The following PRKD1 variants were observed in gnomAD, a reference collection of about 807,000 sequenced individuals.
PRKD1 encodes protein kinase D1, also known as serine/threonine-protein kinase D1.
A neutral mutation model predicts 95.9 loss-of-function variants in PRKD1; 63 were observed. The observed-to-expected ratio is 0.66, with a 90% CI of 0.54 to 0.81. PRKD1 has a LOEUF of 0.81. Among genes scored for constraint, PRKD1 ranks in the 30% least tolerant of loss-of-function variants. The pLI, the probability that PRKD1 is intolerant of heterozygous loss-of-function variation, is 0.00. For missense variants in PRKD1, 1,048 were observed against 1,165.3 expected, an observed-to-expected ratio of 0.90 and a Z score of 1.47; for synonymous variants, 425 against 423.1, an observed-to-expected ratio of 1.00 and a Z score of -0.05.
intron 1 of PRKD1, among the ~76,000 whole-genome samples, chr14:29,729,908 T>G (rs1886348391): frequency 6.6e-6 from 1 of 151,990 alleles, no homozygotes; most frequent in African/African-American, 2.4e-5. Flanking sequence ...ATTACAGACA[T>G]AAAGATAAGA....
chr14:29,658,601 T>C (rs1045050550), intron 4 of PRKD1, among the ~76,000 whole-genome samples: 1 of 152,222 alleles, frequency 6.6e-6, no homozygotes, highest in African/African-American at 2.4e-5. Flanking sequence ...GAAATGTCTA[T>C]AAATCACCAA....
chr14:29,723,383 G>C (rs891778523), intron 2 of PRKD1, among the ~76,000 whole-genome samples: 2 of 152,110 alleles, frequency 1.3e-5, no homozygotes, highest in Non-Finnish European at 2.9e-5. Context: ...ACCTTCAGGA[G>C]AGTCAGGATG....
intron 1 of PRKD1, among the ~76,000 whole-genome samples, chr14:29,856,579 T>C (rs1756269137): frequency 6.6e-6 from 1 of 152,218 alleles, no homozygotes; most frequent in Non-Finnish European, 1.5e-5. Flanking sequence ...GCTCTGTTAA[T>C]ACCACAAGAG....
At chr14:29,841,378 C>A (rs1407267007) in intron 1 of PRKD1, among the ~76,000 whole-genome samples, 2 of 152,094 alleles carry the variant, frequency 1.3e-5, no homozygotes, top group Admixed American at 1.3e-4. Flanking sequence ...TGGTTGTGTC[C>A]TCACCCAAAT....
intron 1 of PRKD1, among the ~76,000 whole-genome samples, chr14:29,829,471 G>A (rs370362459): frequency 3.3e-5 from 5 of 151,980 alleles, no homozygotes; most frequent in East Asian, 1.9e-4. Context: ...CGTGCTTTTC[G>A]TTTTTACTCT....
chr14:29,663,558 G>A, intron 4 of PRKD1, 141 bp downstream of exon 4: 1 of 918,948 alleles, frequency 1.1e-6, no homozygotes, highest in Non-Finnish European at 1.6e-6. Context: ...CCAATCTACA[G>A]CACAAGCCCT....
chr14:29,623,900 A>G (rs556640422), intron 13 of PRKD1, among the ~76,000 whole-genome samples: 127 of 152,294 alleles, frequency 8.3e-4, no homozygotes, highest in African/African-American at 2.9e-3. Flanking sequence ...AAATGCTGAA[A>G]TATTACCCAT....
intron 1 of PRKD1, among the ~76,000 whole-genome samples, chr14:29,834,005 A>C (rs570097158): frequency 6.6e-6 from 1 of 152,152 alleles, no homozygotes; most frequent in African/African-American, 2.4e-5. Flanking sequence ...GTCCTTCTCA[A>C]TCTTCCCCTG....
intron 1 of PRKD1, among the ~76,000 whole-genome samples, chr14:29,898,600 A>G (rs1894212307): frequency 6.6e-6 from 1 of 152,196 alleles, no homozygotes; most frequent in African/African-American, 2.4e-5. Flanking sequence ...ACTTAAAGCA[A>G]ATCATCAGGT....
intron 1 of PRKD1, among the ~76,000 whole-genome samples, chr14:29,822,499 T>G (rs1160192489): frequency 3.9e-5 from 6 of 152,156 alleles, no homozygotes; most frequent in Admixed American, 3.9e-4. Context: ...TTTTAGTGCT[T>G]CAATCTGGAC....
At chr14:29,717,740 G>T (rs1885694199) in intron 2 of PRKD1, among the ~76,000 whole-genome samples, 1 of 152,102 alleles carries the variant, frequency 6.6e-6, no homozygotes, top group African/African-American at 2.4e-5. Flanking sequence ...ACAGCATGAA[G>T]AATATAATGC....
chr14:29,865,568 C>A (rs973179324), intron 1 of PRKD1, among the ~76,000 whole-genome samples: 1 of 152,148 alleles, frequency 6.6e-6, no homozygotes, highest in Non-Finnish European at 1.5e-5. Flanking sequence ...TGCTTTTGAG[C>A]TCTCTTGCAT....
chr14:29,865,555 T>C (rs1165442297), intron 1 of PRKD1, among the ~76,000 whole-genome samples: 1 of 152,204 alleles, frequency 6.6e-6, no homozygotes, highest in East Asian at 1.9e-4. Flanking sequence ...CCATTTGCTC[T>C]CTTGCTTTTG....
intron 2 of PRKD1, among the ~76,000 whole-genome samples, chr14:29,691,941 T>G (rs1310567296): frequency 1.3e-5 from 2 of 152,150 alleles, no homozygotes; most frequent in African/African-American, 4.8e-5. Context: ...CCAACTACTT[T>G]AGTGAAGAGG....
intron 13 of PRKD1, among the ~76,000 whole-genome samples, chr14:29,603,973 G>A (rs74738213): frequency 5.9e-5 from 9 of 152,122 alleles, no homozygotes; most frequent in Admixed American, 1.3e-4. Context: ...AAGTTGTTTC[G>A]ATGCCTGGGA....
chr14:29,850,868 A>G (rs936888390), intron 1 of PRKD1, among the ~76,000 whole-genome samples: 1 of 151,562 alleles, frequency 6.6e-6, no homozygotes, highest in Non-Finnish European at 1.5e-5. Flanking sequence ...AAAGCACAGT[A>G]CTGGCACAAA....
chr14:29,759,894 C>T (rs879505598), intron 1 of PRKD1, among the ~76,000 whole-genome samples: 3 of 152,142 alleles, frequency 2.0e-5, no homozygotes, highest in South Asian at 2.1e-4. Flanking sequence ...CAGTCACAGG[C>T]AAAATATTTT....
At chr14:29,679,702 A>G (rs1317776293) in intron 2 of PRKD1, among the ~76,000 whole-genome samples, 1 of 151,144 alleles carries the variant, frequency 6.6e-6, no homozygotes, top group African/African-American at 2.4e-5. Flanking sequence ...GATTAGCTGT[A>G]AAAGATGAAG....
At chr14:29,818,970 C>G (rs955595805) in intron 1 of PRKD1, among the ~76,000 whole-genome samples, 3 of 151,800 alleles carry the variant, frequency 2.0e-5, no homozygotes, top group Admixed American at 2.0e-4. Flanking sequence ...ACTGACCTAT[C>G]AAATCCCAAA....
Sources: allele counts gnomAD v4.1 joint callset (sites outside exome capture counted in the v4.1 genomes callset), GRCh38; gene constraint gnomAD v4.1.1; transcripts MANE v1.5; gene names NCBI Gene and HGNC (gene_info 2026-07-23, HGNC 2026-07-21).